The following ARNT2 variants were observed in gnomAD, a reference collection of about 807,000 sequenced individuals.
ARNT2 encodes the protein aryl hydrocarbon receptor nuclear translocator 2, also known as ARNT protein 2.
In ARNT2, 36 loss-of-function variants were observed where a neutral mutation model predicts 91.7. The ratio of observed to expected loss-of-function variants is 0.39; its 90% confidence interval spans 0.30 to 0.52. The LOEUF is 0.52. Ranked by LOEUF, ARNT2 falls within the 20% of genes least tolerant of loss-of-function variation. ARNT2 has a pLI of 0.72. For missense variants in ARNT2, 775 were observed against 939.3 expected (o/e 0.83, Z 2.29); for synonymous variants, 365 against 347.1 (o/e 1.05, Z -0.57).
intron 5 of ARNT2, among the ~76,000 whole-genome samples, chr15:80,481,255 C>T (rs986706738): frequency 5.3e-5 from 8 of 152,202 alleles, no homozygotes; most frequent in Non-Finnish European, 1.0e-4. Context: ...AACAGCTCAC[C>T]GGGGAGCCAT....
At chr15:80,564,257 C>T (rs1218678709) in intron 12 of ARNT2, among the ~76,000 whole-genome samples, 2 of 152,142 alleles carry the variant, frequency 1.3e-5, no homozygotes, top group South Asian at 2.1e-4. Context: ...CATCTGCTGA[C>T]ATCCCTTCTC....
chr15:80,550,765 G>A lies in ARNT2; in HGVS notation c.878-434G>A, dbSNP rs1898068425. Among the ~76,000 whole-genome samples the A allele has an allele frequency of 2.0e-5, 3 of 152,348 alleles. No individual in the cohort carries two copies. The South Asian group carries it at 6.2e-4, about 32-fold the overall frequency. ...TTGTGCTCCCTTGCCTGACAAGTTA[G>A]TAACCAGCTTCAGTGGTTTTTACTT... On this transcript the variant is annotated intron_variant, in intron 8 of 18. Coordinates refer to ENST00000303329, the MANE Select transcript of ARNT2 (RefSeq NM_014862.4).
At chr15:80,584,901 C>T (rs1055854970) in intron 17 of ARNT2, among the ~76,000 whole-genome samples, 5 of 152,254 alleles carry the variant, frequency 3.3e-5, no homozygotes, top group South Asian at 4.1e-4. Context: ...ACTTGCCGGA[C>T]GTCACCCAGT....
intron 8 of ARNT2, among the ~76,000 whole-genome samples, chr15:80,518,480 C>A (rs1897479903): frequency 6.6e-6 from 1 of 151,884 alleles, no homozygotes; most frequent in South Asian, 2.1e-4. Context: ...GGGGTTTCAC[C>A]ATGTTGGCCA....
chr15:80,404,399 T>G lies in ARNT2; in HGVS notation c.-117T>G. The stretch of plus-strand genomic sequence containing the variant: ...GAGGGAGCGCCGCCCGCCCGCGCCG[T>G]CCTTTGTGTGGCGGCGGCGGCGCCT... On this transcript the variant is annotated 5_prime_UTR_variant, in exon 1 of 19. Coordinates refer to ENST00000303329, the MANE Select transcript of ARNT2 (RefSeq NM_014862.4). The surrounding 1 kb of genome is among the most constrained non-coding windows in gnomAD (Gnocchi z 5.5). 2 of 545,690 alleles carry G rather than the reference T, an allele frequency of 3.7e-6. No homozygotes were observed. The highest frequency in any genetic ancestry group is 4.7e-6 in the Non-Finnish European group (2 of 421,496). The allele number at this position is 545,690 out of a possible 1,614,324, so 33.8% of individuals were successfully genotyped here.
At chr15:80,425,046 A>G (rs1895914345) in intron 1 of ARNT2, among the ~76,000 whole-genome samples, 1 of 152,256 alleles carries the variant, frequency 6.6e-6, no homozygotes, top group African/African-American at 2.4e-5. Context: ...TATCATGAAC[A>G]TGCTTGTGCA....
chr15:80,442,267 A>G (rs1896204319), intron 1 of ARNT2, among the ~76,000 whole-genome samples: 1 of 152,196 alleles, frequency 6.6e-6, no homozygotes, highest in Non-Finnish European at 1.5e-5. Context: ...CGTTCCTCCC[A>G]GAGCATTTTT....
chr15:80,566,144 C>T (rs552358927), intron 12 of ARNT2, among the ~76,000 whole-genome samples: 1 of 152,296 alleles, frequency 6.6e-6, no homozygotes, highest in East Asian at 1.9e-4. Flanking sequence ...TCAACAGCAC[C>T]AGCAGCAGCA....
intron 12 of ARNT2, among the ~76,000 whole-genome samples, chr15:80,568,186 G>A (rs957550629): frequency 6.6e-6 from 1 of 152,212 alleles, no homozygotes; most frequent in Non-Finnish European, 1.5e-5. Context: ...TAACGTGCTG[G>A]TCACACAGCA....
intron 3 of ARNT2, among the ~76,000 whole-genome samples, chr15:80,458,696 T>C (rs1403578467): frequency 2.0e-5 from 3 of 151,788 alleles, no homozygotes; most frequent in Non-Finnish European, 2.9e-5. Flanking sequence ...GTTTAAGATA[T>C]GGTAGGAAGT....
intron 8 of ARNT2, among the ~76,000 whole-genome samples, chr15:80,515,637 G>A (rs895018079): frequency 3.3e-5 from 5 of 151,664 alleles, no homozygotes; most frequent in African/African-American, 1.2e-4. Context: ...GGGTGACAGA[G>A]GTGTTCTAAA....
At chr15:80,553,189 C>T (rs759551296) in intron 10 of ARNT2, among the ~76,000 whole-genome samples, 12 of 152,104 alleles carry the variant, frequency 7.9e-5, no homozygotes, top group Non-Finnish European at 1.3e-4. Flanking sequence ...ATAGGTGGCA[C>T]GTCTTTAGGT....
intron 3 of ARNT2, among the ~76,000 whole-genome samples, chr15:80,467,096 G>C (rs1896666537): frequency 6.6e-6 from 1 of 152,234 alleles, no homozygotes. Context: ...GACCAGCTGA[G>C]GGGTTTGGAG....
rs1305186448 is a variant in ARNT2 at position 80,552,230 on chromosome 15, A to G, written c.955-410A>G. On this transcript the variant is annotated intron_variant, in intron 9 of 18. Transcript: ENST00000303329. Reference sequence around the variant, plus strand: ...GGGTAAATTCAGTTCACAAATATATATGCTCCAAGTATTTTAACTAGTTCC... The same window carrying G: ...GGGTAAATTCAGTTCACAAATATATGTGCTCCAAGTATTTTAACTAGTTCC... 7.2e-5 allele frequency among the ~76,000 whole-genome samples: 11 copies of G among 152,214 alleles called. No individual in the cohort carries two copies. In the South Asian group the frequency reaches 1.7e-3, roughly 23 times the overall value.
intron 1 of ARNT2, among the ~76,000 whole-genome samples, chr15:80,410,486 C>T (rs1895665095): frequency 6.6e-6 from 1 of 152,114 alleles, no homozygotes; most frequent in Non-Finnish European, 1.5e-5. Flanking sequence ...GTGGAACTGT[C>T]ATGGAGGCAG....
chr15:80,456,414 G>A (rs776786912), intron 2 of ARNT2, among the ~76,000 whole-genome samples: 2 of 151,874 alleles, frequency 1.3e-5, no homozygotes, highest in Non-Finnish European at 2.9e-5. Context: ...CCTTGTGTCC[G>A]AGAACCAGAG....
chr15:80,591,859 C>A lies in ARNT2; in HGVS notation c.2055+155C>A. ...GGAGTCCAGGAGTAGAAAGCCCCAT[C>A]CTACCCAGCCAGAAACGTCAGGTGC... On this transcript the variant is annotated intron_variant, in intron 18 of 18. Transcript: ENST00000303329. This position sits in a 1 kb window ranked among gnomAD's most constrained non-coding sequence, Gnocchi z 5.1. 1 of 773,652 alleles carries A rather than the reference C, an allele frequency of 1.3e-6. No individual in the cohort carries two copies. Among genetic ancestry groups the A allele is most frequent in the Non-Finnish European group, 1.6e-6 (1 of 636,750 alleles). 47.9% of individuals were successfully genotyped at this position (773,652 alleles called of 1,614,324 possible).
Position 80,584,105 on chromosome 15 carries a change from C to T in ARNT2, c.1918+2701C>T, listed in dbSNP as rs139978582. Among the ~76,000 whole-genome samples, 18 of 152,120 alleles carry T rather than the reference C, an allele frequency of 1.2e-4. No homozygotes were observed. The East Asian group carries it at 1.5e-3, about 13-fold the overall frequency. ...GAGTGAACAGGTGATAGAGTGGAGA[C>T]GAAGCTGAGCAGGAGAGCAGGAAGG... On this transcript the variant is annotated intron_variant, in intron 17 of 18. Transcript: ENST00000303329.
chr15:80,590,033 G>A (rs778627644), intron 17 of ARNT2, among the ~76,000 whole-genome samples: 1 of 152,182 alleles, frequency 6.6e-6, no homozygotes, highest in Non-Finnish European at 1.5e-5. Flanking sequence ...AGCCCTTTAT[G>A]TCTCAGGCAT....
Sources: allele counts gnomAD v4.1 joint callset (sites outside exome capture counted in the v4.1 genomes callset), GRCh38; gene constraint gnomAD v4.1.1; non-coding constraint Gnocchi (gnomAD v3.1); transcripts MANE v1.5; gene names NCBI Gene and HGNC (gene_info 2026-07-23, HGNC 2026-07-21).